The following PROM1 variants were observed in gnomAD, a reference collection of about 807,000 sequenced individuals.
The protein encoded by PROM1 is prominin-1.
A neutral mutation model predicts 116.9 loss-of-function variants in PROM1; 105 were observed. The ratio of observed to expected loss-of-function variants is 0.90; its 90% confidence interval spans 0.77 to 1.06. The LOEUF is 1.06. Among genes scored for constraint, PROM1 ranks in the 50% least tolerant of loss-of-function variants. PROM1 has a pLI of 0.00. For synonymous variants in PROM1, 393 were observed against 387.0 expected (o/e 1.02, Z -0.18); for missense variants, 1,122 against 1,045.2 (o/e 1.07, Z -1.01).
chr4:15,968,711 AG>A lies in PROM1; in HGVS notation c.*681del, dbSNP rs1440425949. 1 of 152,254 alleles carries A rather than the reference AG, an allele frequency of 6.6e-6. No homozygotes were observed. 9.4% of individuals were successfully genotyped at this position (152,254 alleles called of 1,614,324 possible). A position where few individuals can be genotyped will look rare whatever the true frequency, so the allele number is the denominator to read the frequency against. ...TTGAATTTGTCAGATGGAGTTACGCAGGTTTCTCTATGATTGCTTTTGCATG... is the reference window on the plus strand; with the variant it reads ...TTGAATTTGTCAGATGGAGTTACGCAGTTTCTCTATGATTGCTTTTGCATG... On this transcript the variant is annotated 3_prime_UTR_variant, in exon 28 of 28. Transcript: ENST00000447510.
chr4:16,008,155 T>G (rs1190567894), intron 12 of PROM1, among the ~76,000 whole-genome samples: 2 of 152,180 alleles, frequency 1.3e-5, no homozygotes, highest in East Asian at 1.9e-4. Context: ...TAAGAAATAA[T>G]CCACATGAGA....
intron 2 of PROM1, chr4:16,055,199 C>A: frequency 3.2e-6 from 1 of 307,758 alleles, no homozygotes. Context: ...AGACTATTTT[C>A]CTTGGAGAAA....
rs1046146261 is a variant in PROM1, at chr4:15,979,331, C to A, written c.2582+64G>T. On this transcript the variant is annotated intron_variant, in intron 26 of 27. Coordinates refer to ENST00000447510, the MANE Select transcript of PROM1 (RefSeq NM_006017.3). ...TCAGCAGCATGCAGAAAATTCAGTG[C>A]TGATCTATAGGAGATGAGACGGTTT... The A allele has an allele frequency of 6.2e-6, 10 of 1,608,902 alleles. 1 individual carries two copies. In the South Asian group the frequency reaches 1.0e-4, roughly 16 times the overall value.
At chr4:16,021,317 T>C (rs1326315698) in intron 8 of PROM1, among the ~76,000 whole-genome samples, 5 of 152,298 alleles carry the variant, frequency 3.3e-5, no homozygotes, top group East Asian at 3.9e-4. Context: ...TGCAAGAACA[T>C]TGGGCAAAAA....
chr4:16,004,805 A>ATCTTTCTTTCTTTCTT lies in PROM1; in HGVS notation c.1454+1717_1454+1732dup, dbSNP rs147556972. 8.0e-5 allele frequency among the ~76,000 whole-genome samples: 10 copies of ATCTTTCTTTCTTTCTT among 125,074 alleles called. No individual in the cohort carries two copies. The East Asian group carries it at 2.2e-3, about 27-fold the overall frequency. The allele number at this position is 125,074 out of a possible 152,430, so 82.1% of individuals were successfully genotyped here. A position where few individuals can be genotyped will look rare whatever the true frequency, so the allele number is the denominator to read the frequency against. On this transcript the variant is annotated intron_variant, in intron 13 of 27. Coordinates refer to ENST00000447510, the MANE Select transcript of PROM1 (RefSeq NM_006017.3). The stretch of plus-strand genomic sequence containing the variant: ...CTCTGTCCACAGGTACTTGCAGCTA[A>ATCTTTCTTTCTTTCTT]TCTTTCTTTCTTTCTTTCTTTCTTT...
chr4:16,075,901 G>A lies in PROM1; in HGVS notation c.6C>T (p.Ala2=). The A allele has an allele frequency of 6.2e-7, 1 of 1,608,012 alleles. No individual in the cohort carries two copies. The part of the protein sequence containing the change: M[A]LVLGSLLLLG... ...GCAGCAACAGGGAGCCGAGTACGAGGGCCATAGCTAGCAAGATCCTCCAAA... is the reference window on the plus strand; with the variant it reads ...GCAGCAACAGGGAGCCGAGTACGAGAGCCATAGCTAGCAAGATCCTCCAAA... Residue 2 remains alanine, a synonymous_variant, in exon 2 of 28, where the codon GCC becomes GCT. Transcript: ENST00000447510.
intron 5 of PROM1, among the ~76,000 whole-genome samples, chr4:16,028,385 C>T (rs935364215): frequency 2.0e-4 from 31 of 152,250 alleles, no homozygotes; most frequent in Non-Finnish European, 4.3e-4. Flanking sequence ...AAAGCACCAC[C>T]ATGATGGCAG....
chr4:16,016,095 A>G lies in PROM1; in HGVS notation c.1077+71T>C, dbSNP rs1578041137. 12 of 1,335,230 alleles carry G rather than the reference A, an allele frequency of 9.0e-6. No individual in the cohort carries two copies. In the East Asian group the frequency reaches 3.0e-4, roughly 34 times the overall value. 82.7% of individuals were successfully genotyped at this position (1,335,230 alleles called of 1,614,324 possible). On this transcript the variant is annotated intron_variant, in intron 10 of 27. Transcript: ENST00000447510. The stretch of plus-strand genomic sequence containing the variant: ...TTTCACTGCTTTTTTGCTATTTCCT[A>G]TTTTCTTATGTACTAGTCCACCCTT...
chr4:15,986,932 T>G (rs1294253327), intron 20 of PROM1, among the ~76,000 whole-genome samples: 1 of 152,246 alleles, frequency 6.6e-6, no homozygotes, highest in East Asian at 1.9e-4. Context: ...CCATTGGTAC[T>G]GTAGATACAA....
At chr4:16,004,833 C>CTTT (rs1164773790) in intron 13 of PROM1, among the ~76,000 whole-genome samples, 9 of 42,440 alleles carry the variant, frequency 2.1e-4, no homozygotes, top group East Asian at 1.3e-3. Flanking sequence ...CTTTCTTTTT[C>CTTT]TTCCTTCCTT....
At chr4:15,975,712 T>C (rs1715941095) in intron 26 of PROM1, among the ~76,000 whole-genome samples, 1 of 152,242 alleles carries the variant, frequency 6.6e-6, no homozygotes, top group South Asian at 2.1e-4. Flanking sequence ...TGTCATTTCC[T>C]AACCTTCTGC....
At chr4:16,040,346 A>C (rs1174469331) in intron 2 of PROM1, among the ~76,000 whole-genome samples, 1 of 152,186 alleles carries the variant, frequency 6.6e-6, no homozygotes, top group East Asian at 1.9e-4. Context: ...GGGGCTGCCC[A>C]AGGACCAGAG....
intron 26 of PROM1, among the ~76,000 whole-genome samples, chr4:15,975,236 T>C (rs1335168505): frequency 2.6e-5 from 4 of 152,232 alleles, no homozygotes; most frequent in African/African-American, 9.6e-5. Context: ...TATTTATTTA[T>C]TGAGACGGAG....
chr4:16,041,019 T>C (rs1275610210), intron 2 of PROM1, among the ~76,000 whole-genome samples: 1 of 152,212 alleles, frequency 6.6e-6, no homozygotes, highest in East Asian at 1.9e-4. Context: ...ACCTCAAAGG[T>C]AGATCCTCAC....
intron 2 of PROM1, among the ~76,000 whole-genome samples, chr4:16,062,785 G>A (rs1356413999): frequency 6.6e-6 from 1 of 152,188 alleles, no homozygotes; most frequent in Non-Finnish European, 1.5e-5. Flanking sequence ...ATTGGTGAAT[G>A]TTTTAAGTTC....
intron 16 of PROM1, 99 bp downstream of exon 16, chr4:15,993,888 T>C (rs569457336): frequency 7.3e-5 from 112 of 1,537,848 alleles, no homozygotes; most frequent in Non-Finnish European, 9.0e-5. Flanking sequence ...GTTAATTTTA[T>C]CTTTTGCAAA....
intron 16 of PROM1, among the ~76,000 whole-genome samples, chr4:15,993,417 T>C (rs1265229973): frequency 4.6e-5 from 7 of 152,196 alleles, no homozygotes; most frequent in African/African-American, 1.7e-4. Flanking sequence ...CAGTGTGCCC[T>C]GGAATGGTCT....
chr4:16,023,971 C>T (rs1191114447), intron 7 of PROM1, among the ~76,000 whole-genome samples: 3 of 152,210 alleles, frequency 2.0e-5, no homozygotes, highest in African/African-American at 2.4e-5. Context: ...GAGCTGGCTG[C>T]GTCTGTGCAG....
chr4:16,013,494 TA>T, intron 10 of PROM1, among the ~76,000 whole-genome samples, 156 bp from the exon 11 acceptor site: 1 of 152,290 alleles, frequency 6.6e-6, no homozygotes, highest in East Asian at 1.9e-4. Context: ...ATCAAGAGTC[TA>T]AAAAAATCCC....
Sources: gnomAD v4.1 joint callset for allele counts (sites outside exome capture counted in the v4.1 genomes callset) on GRCh38, gnomAD v4.1.1 for gene constraint, MANE v1.5 for transcripts, NCBI Gene and HGNC (gene_info 2026-07-23, HGNC 2026-07-21) for gene names.